Variants in PCCA observed in about 807,000 individuals in gnomAD.
The protein encoded by PCCA is propionyl-CoA carboxylase subunit alpha.
A neutral mutation model predicts 101.3 loss-of-function variants in PCCA; 74 were observed. The ratio of observed to expected loss-of-function variants is 0.73; its 90% CI spans 0.61 to 0.89. The LOEUF is 0.89. Among genes scored for constraint, PCCA ranks in the 40% least tolerant of loss-of-function variants. The probability of loss-of-function intolerance (pLI) is 0.00; values close to 1 mark genes in which losing one functional copy is unlikely to be tolerated. For synonymous variants in PCCA, 294 were observed against 313.6 expected, an observed-to-expected ratio of 0.94 and a Z score of 0.66; for missense variants, 891 against 907.0, an observed-to-expected ratio of 0.98 and a Z score of 0.23.
intron 19 of PCCA, among the ~76,000 whole-genome samples, chr13:100,372,803 A>G (rs1244285113): frequency 6.6e-6 from 1 of 152,212 alleles, no homozygotes; most frequent in Non-Finnish European, 1.5e-5. Flanking sequence ...GCAGTGGCAC[A>G]ATCTTGGCTC....
intron 21 of PCCA, among the ~76,000 whole-genome samples, chr13:100,501,699 C>A (rs2085684483): frequency 6.7e-6 from 1 of 149,304 alleles, no homozygotes; most frequent in Non-Finnish European, 1.5e-5. Flanking sequence ...TAGTGAAACC[C>A]CGTCTCTACT....
At chr13:100,519,563 C>T (rs775476442) in intron 22 of PCCA, among the ~76,000 whole-genome samples, 1 of 152,234 alleles carries the variant, frequency 6.6e-6, no homozygotes, top group African/African-American at 2.4e-5. Flanking sequence ...CCTCCTTGCA[C>T]GTGCTCCTTT....
intron 23 of PCCA, among the ~76,000 whole-genome samples, chr13:100,528,660 C>T (rs944465492): frequency 2.6e-5 from 4 of 152,184 alleles, no homozygotes; most frequent in African/African-American, 9.7e-5. Context: ...GCTCCTGAGC[C>T]CAGCCCGCCG....
Position 100,307,230 on chromosome 13 carries a change from T to G in PCCA, c.1323T>G (p.Ile441Met). Reference protein sequence around the residue: ...VDSGIQPGSDISIYYDPMISK... With the variant: ...VDSGIQPGSDMSIYYDPMISK... ...GTGGCATCCAACCAGGAAGTGATAT[T>G]AGCATTTATTATGATCCTATGATTT... The change falls in exon 15 of 24, where the codon ATT (isoleucine) becomes ATG (methionine). Residue 441 changes from isoleucine (I) to methionine (M), a missense_variant. By Grantham distance (10) the Ile-to-Met change is conservative. Coordinates refer to ENST00000376285, the MANE Select transcript of PCCA (RefSeq NM_000282.4). The G allele has an allele frequency of 6.2e-7, 1 of 1,609,482 alleles. No homozygotes were observed. The highest frequency in any genetic ancestry group is 8.5e-7 in the Non-Finnish European group (1 of 1,176,206).
rs527984313 is a variant in PCCA, at chr13:100,377,160, G to A, written c.1746+8586G>A. ...TGCACCCACTGTCTAACCAGTCCCA[G>A]TGAGATGAGCCGGGTACCTCAGTTG... On this transcript the variant is annotated intron_variant, in intron 19 of 23. Transcript: ENST00000376285. 1.1e-4 allele frequency among the ~76,000 whole-genome samples: 17 copies of A among 152,288 alleles called. No individual in the cohort carries two copies. The South Asian group carries it at 3.5e-3, about 32-fold the overall frequency.
rs566014379 is a variant in PCCA, at chr13:100,120,771, C to T, written c.300+8710C>T. ...TCATTTTCCAGGCCCTAGGAAAGCA[C>T]GCTTATTATTCTCTGGGAAGATTTG... On this transcript the variant is annotated intron_variant, in intron 4 of 23. Transcript: ENST00000376285. Among the ~76,000 whole-genome samples the T allele has an allele frequency of 7.0e-4, 107 of 152,080 alleles. 1 individual carries two copies. The highest frequency in any genetic ancestry group is 2.3e-3 in the African/African-American group (97 of 41,486).
chr13:100,442,292 C>A (rs972586151), intron 20 of PCCA, among the ~76,000 whole-genome samples: 3 of 152,164 alleles, frequency 2.0e-5, no homozygotes, highest in African/African-American at 7.2e-5. Context: ...CCACGCCTGG[C>A]CTGTCCTTCC....
intron 7 of PCCA, among the ~76,000 whole-genome samples, chr13:100,220,309 G>C (rs530919282): frequency 6.6e-6 from 1 of 152,074 alleles, no homozygotes; most frequent in South Asian, 2.1e-4. Context: ...ACCCAGGCTG[G>C]AGTGCAGTGG....
chr13:100,442,183 A>G (rs1367740826), intron 20 of PCCA, among the ~76,000 whole-genome samples: 1 of 151,924 alleles, frequency 6.6e-6, no homozygotes, highest in Non-Finnish European at 1.5e-5. Context: ...TAGTAGAGGC[A>G]GGATTTCACC....
chr13:100,285,951 A>G (rs1325772320), intron 12 of PCCA, among the ~76,000 whole-genome samples: 1 of 152,144 alleles, frequency 6.6e-6, no homozygotes, highest in Non-Finnish European at 1.5e-5. Flanking sequence ...GAACTAGTGC[A>G]TCACCCTCTC....
At chr13:100,111,178 C>CATTTT (rs1566489868) in intron 2 of PCCA, among the ~76,000 whole-genome samples, 3 of 98,574 alleles carry the variant, frequency 3.0e-5, no homozygotes, top group African/African-American at 1.3e-4. Context: ...GACCCAGCTC[C>CATTTT]TTTTTTTTTT....
chr13:100,194,969 A>G (rs2058016286), intron 6 of PCCA, among the ~76,000 whole-genome samples: 1 of 152,216 alleles, frequency 6.6e-6, no homozygotes, highest in Admixed American at 6.5e-5. Flanking sequence ...ATTGTAAGTT[A>G]TATTCCAAAG....
At chr13:100,305,560 T>C (rs1304150100) in intron 14 of PCCA, among the ~76,000 whole-genome samples, 1 of 152,222 alleles carries the variant, frequency 6.6e-6, no homozygotes, top group Non-Finnish European at 1.5e-5. Context: ...ATGCTGTGGT[T>C]TTAAAGATGA....
chr13:100,298,668 CTCCCTCCTTCCTTCCT>C lies in PCCA; in HGVS notation c.1066-2788_1066-2773del, dbSNP rs1566891123. The stretch of plus-strand genomic sequence containing the variant: ...CCTCCCTCCCTCCCTCCCTCCCTCC[CTCCCTCCTTCCTTCCT>C]TCCTTCCTTCCTTCCTTCCTTCCTT... On this transcript the variant is annotated intron_variant, in intron 12 of 23. Coordinates refer to ENST00000376285, the MANE Select transcript of PCCA (RefSeq NM_000282.4). Among the ~76,000 whole-genome samples, 30 of 3,628 alleles carry C rather than the reference CTCCCTCCTTCCTTCCT, an allele frequency of 8.3e-3. 2 individuals are homozygous for C. Among genetic ancestry groups the C allele is most frequent in the African/African-American group, 0.015 (30 of 2,006 alleles). 2.4% of individuals were successfully genotyped at this position (3,628 alleles called of 152,430 possible). A position where few individuals can be genotyped will look rare whatever the true frequency, so the allele number is the denominator to read the frequency against.
chr13:100,266,923 A>G (rs2062978331), intron 10 of PCCA, among the ~76,000 whole-genome samples: 1 of 152,242 alleles, frequency 6.6e-6, no homozygotes, highest in South Asian at 2.1e-4. Context: ...TAAAAAACTC[A>G]TGATGCATTT....
intron 16 of PCCA, among the ~76,000 whole-genome samples, chr13:100,314,787 C>A (rs189483136): frequency 3.0e-4 from 46 of 152,206 alleles, no homozygotes; most frequent in African/African-American, 1.1e-3. Context: ...TTATGTAGAT[C>A]AAAGGAAACT....
chr13:100,429,090 G>A (rs570379944), intron 20 of PCCA, among the ~76,000 whole-genome samples: 2 of 152,258 alleles, frequency 1.3e-5, no homozygotes, highest in South Asian at 4.1e-4. Flanking sequence ...CTCAGCAGCT[G>A]TGGGGATGAG....
At chr13:100,446,792 A>C (rs942660570) in intron 20 of PCCA, among the ~76,000 whole-genome samples, 1 of 152,248 alleles carries the variant, frequency 6.6e-6, no homozygotes, top group Admixed American at 6.5e-5. Flanking sequence ...ATTTTTGCCT[A>C]GAAATAAGTT....
At chr13:100,452,084 C>CCCCCTCT (rs373886407) in intron 21 of PCCA, among the ~76,000 whole-genome samples, 19 of 119,790 alleles carry the variant, frequency 1.6e-4, no homozygotes, top group African/African-American at 7.1e-4. Context: ...CTCTCCTCTT[C>CCCCCTCT]CTCCTCTTCC....
Sources: gnomAD v4.1 joint callset for allele counts (sites outside exome capture counted in the v4.1 genomes callset) on GRCh38, gnomAD v4.1.1 for gene constraint, MANE v1.5 for transcripts, NCBI Gene and HGNC (gene_info 2026-07-23, HGNC 2026-07-21) for gene names.